Variants in TACR3 observed in about 807,000 individuals in gnomAD.
The protein encoded by TACR3 is tachykinin receptor 3.
Under a neutral mutation model 35.0 loss-of-function variants are expected in TACR3, and 34 were observed. The ratio of observed to expected loss-of-function variants is 0.97; its 90% CI spans 0.74 to 1.30. TACR3 has a LOEUF of 1.30. Among genes scored for constraint, TACR3 ranks in the 50% most tolerant of loss-of-function variants. TACR3 has a pLI of 0.00. For synonymous variants in TACR3, 233 were observed against 221.1 expected (o/e 1.05, Z -0.48); for missense variants, 558 against 591.7 (o/e 0.94, Z 0.59).
chr4:103,665,197 GC>G, intron 1 of TACR3, among the ~76,000 whole-genome samples: 1 of 151,946 alleles, frequency 6.6e-6, no homozygotes, highest in East Asian at 1.9e-4. Flanking sequence ...AAGTGAATAA[GC>G]TTTTATTAAA....
At chr4:103,632,754 A>C (rs1044796844) in intron 3 of TACR3, among the ~76,000 whole-genome samples, 7 of 152,224 alleles carry the variant, frequency 4.6e-5, no homozygotes, top group African/African-American at 1.4e-4. Flanking sequence ...CAATACATTG[A>C]AGAGCAAAGA....
At position 103,606,464 on chromosome 4, in the gene TACR3, C is replaced by A. The variant is rs902674723; in HGVS notation, c.889-14781G>T. On this transcript the variant is annotated intron_variant, in intron 3 of 4. Transcript: ENST00000304883. ...GATTCTTCCTATCCATGAGCATGGA[C>A]TGTTCTTCCATTTGTTTGTATCCTC... 4.5e-4 allele frequency among the ~76,000 whole-genome samples: 68 copies of A among 152,142 alleles called. No individual in the cohort carries two copies. The East Asian group carries it at 4.8e-3, about 11-fold the overall frequency.
At chr4:103,701,753 A>G (rs1408187375) in intron 1 of TACR3, among the ~76,000 whole-genome samples, 2 of 152,218 alleles carry the variant, frequency 1.3e-5, no homozygotes, top group African/African-American at 2.4e-5. Flanking sequence ...CCACATATCT[A>G]CAACTATCTG....
chr4:103,683,889 C>G (rs368675057), intron 1 of TACR3, among the ~76,000 whole-genome samples: 1 of 151,612 alleles, frequency 6.6e-6, no homozygotes, highest in Non-Finnish European at 1.5e-5. Flanking sequence ...GAGAGCCAGA[C>G]AGAAATACAT....
At chr4:103,700,095 G>A (rs990367231) in intron 1 of TACR3, among the ~76,000 whole-genome samples, 32 of 152,098 alleles carry the variant, frequency 2.1e-4, no homozygotes, top group Non-Finnish European at 3.5e-4. Context: ...TCATGTGCTG[G>A]TAAATGATTT....
In TACR3 at chr4:103,590,206, T is replaced by TC. The variant is rs111712682; in HGVS notation, c.1086-213_1086-212insG. On this transcript the variant is annotated intron_variant, in intron 4 of 4. Coordinates refer to ENST00000304883, the MANE Select transcript of TACR3 (RefSeq NM_001059.3). ...CTTAATTTCCCATTAATGAGAAGCATTGATTCCCAGCAATGAAAAGCATCT... is the reference window on the plus strand; with the variant it reads ...CTTAATTTCCCATTAATGAGAAGCATCTGATTCCCAGCAATGAAAAGCATCT... Among the ~76,000 whole-genome samples the TC allele has an allele frequency of 0.015, 2,210 of 152,244 alleles. 48 individuals carry two copies. Among genetic ancestry groups the TC allele is most frequent in the African/African-American group, 0.051 (2,103 of 41,532 alleles).
chr4:103,631,291 C>T (rs529721737), intron 3 of TACR3, among the ~76,000 whole-genome samples: 80 of 151,946 alleles, frequency 5.3e-4, no homozygotes, highest in African/African-American at 1.8e-3. Context: ...CAACACTGCA[C>T]GTTGCACACA....
chr4:103,657,214 C>G (rs990655184), intron 2 of TACR3, among the ~76,000 whole-genome samples: 6 of 121,838 alleles, frequency 4.9e-5, no homozygotes, highest in Non-Finnish European at 9.9e-5. Flanking sequence ...TTCTCCATAC[C>G]AGTGTTTTTT....
chr4:103,656,133 G>T (rs1725729051), intron 3 of TACR3, 61 bp downstream of exon 3: 1 of 1,584,110 alleles, frequency 6.3e-7, no homozygotes, highest in Non-Finnish European at 8.7e-7. Flanking sequence ...TGACTAGATT[G>T]CTTTTCTTTC....
rs142673905 is a variant in TACR3 at position 103,590,141 on chromosome 4, A to G, written c.1086-147T>C. ...GCCAGACTCTTAGAATTTATGTCAC[A>G]GTACTGTTGTTAGTCGTTTAGTTCT... On this transcript the variant is annotated intron_variant, in intron 4 of 4. Transcript: ENST00000304883. 587 of 903,746 alleles carry G rather than the reference A, an allele frequency of 6.5e-4. No individual in the cohort carries two copies. In the African/African-American group the frequency reaches 8.3e-3, roughly 13 times the overall value. 56.0% of individuals were successfully genotyped at this position (903,746 alleles called of 1,614,324 possible).
At chr4:103,664,663 A>G (rs958044951) in intron 1 of TACR3, among the ~76,000 whole-genome samples, 3 of 152,214 alleles carry the variant, frequency 2.0e-5, no homozygotes, top group African/African-American at 7.2e-5. Context: ...CTCATGACCC[A>G]TGAAGTTTCA....
intron 1 of TACR3, among the ~76,000 whole-genome samples, chr4:103,685,849 T>A (rs1192662533): frequency 6.6e-6 from 1 of 152,150 alleles, no homozygotes; most frequent in African/African-American, 2.4e-5. Flanking sequence ...TGTCTACCTC[T>A]CCCTTCCCCA....
intron 3 of TACR3, among the ~76,000 whole-genome samples, chr4:103,609,515 G>A (rs1392542306): frequency 6.6e-6 from 1 of 151,846 alleles, no homozygotes; most frequent in Non-Finnish European, 1.5e-5. Flanking sequence ...CATTATTTGT[G>A]GGGTAGTGTG....
intron 3 of TACR3, among the ~76,000 whole-genome samples, chr4:103,641,891 C>A (rs1396596358): frequency 6.6e-6 from 1 of 151,780 alleles, no homozygotes; most frequent in Admixed American, 6.6e-5. Flanking sequence ...GCAAATACTT[C>A]ATAATCTCAC....
Position 103,719,932 on chromosome 4 carries a change from G to T in TACR3, c.-257C>A. On this transcript the variant is annotated 5_prime_UTR_variant, in exon 1 of 5. Coordinates refer to ENST00000304883, the MANE Select transcript of TACR3 (RefSeq NM_001059.3). ...GATCCTCCCGAGATTAAGGGTTATCGAGTCACATCACACGTAGGGAGGGTG... is the reference window on the plus strand; with the variant it reads ...GATCCTCCCGAGATTAAGGGTTATCTAGTCACATCACACGTAGGGAGGGTG... The T allele has an allele frequency of 1.7e-6, 1 of 581,916 alleles. No individual in the cohort carries two copies. Among genetic ancestry groups the T allele is most frequent in the Non-Finnish European group, 3.1e-6 (1 of 326,198 alleles). The allele number at this position is 581,916 out of a possible 1,614,324, so 36.0% of individuals were successfully genotyped here.
Position 103,656,242 on chromosome 4 carries a change from T to C in TACR3, c.840A>G (p.Pro280=). 3 of 1,613,108 alleles carry C rather than the reference T, an allele frequency of 1.9e-6. No homozygotes were observed. Among genetic ancestry groups the C allele is most frequent in the East Asian group, 2.2e-5 (1 of 44,798 alleles). The change falls in exon 3 of 5, where the codon CCA becomes CCG. Residue 280 remains proline, a synonymous_variant. Coordinates refer to ENST00000304883, the MANE Select transcript of TACR3 (RefSeq NM_001059.3). ...CATGATACTTGTCACAGGTATCTCC[T>C]GGGATTTCTCCTCCCCAGAGAGTAA... ...VGITLWGGEI[P]GDTCDKYHEQ... is the part of the protein sequence containing the mutation.
At chr4:103,635,321 T>G (rs1725161734) in intron 3 of TACR3, among the ~76,000 whole-genome samples, 1 of 151,344 alleles carries the variant, frequency 6.6e-6, no homozygotes, top group African/African-American at 2.4e-5. Context: ...GAACAATGAC[T>G]GAGATTGAAG....
intron 3 of TACR3, among the ~76,000 whole-genome samples, chr4:103,655,093 TG>T (rs1725704630): frequency 6.6e-6 from 1 of 152,234 alleles, no homozygotes; most frequent in African/African-American, 2.4e-5. Context: ...TAAATTGATC[TG>T]GGAAAGCTCA....
chr4:103,645,091 T>A (rs1265274907), intron 3 of TACR3, among the ~76,000 whole-genome samples: 2 of 151,906 alleles, frequency 1.3e-5, no homozygotes, highest in African/African-American at 2.4e-5. Context: ...TCCAGTCTTT[T>A]CACAAAGCCA....
Sources: gnomAD v4.1 joint callset for allele counts (sites outside exome capture counted in the v4.1 genomes callset) on GRCh38, gnomAD v4.1.1 for gene constraint, MANE v1.5 for transcripts, NCBI Gene and HGNC (gene_info 2026-07-23, HGNC 2026-07-21) for gene names.